The following DNAH6 variants were observed in gnomAD, a reference collection of about 807,000 sequenced individuals.
DNAH6 encodes the protein axonemal beta dynein heavy chain 6.
A neutral mutation model predicts 491.4 loss-of-function variants in DNAH6; 340 were observed. That is an observed-to-expected ratio of 0.69 (90% CI 0.63 to 0.76). DNAH6 has a LOEUF of 0.76. Among genes scored for constraint, DNAH6 ranks in the 30% least tolerant of loss-of-function variants. The pLI, the probability that DNAH6 is intolerant of heterozygous loss-of-function variation, is 0.00. For missense variants in DNAH6, 4,443 were observed against 4,972.2 expected, an observed-to-expected ratio of 0.89 and a Z score of 3.20; for synonymous variants, 1,603 against 1,686.1, an observed-to-expected ratio of 0.95 and a Z score of 1.21.
chr2:84,774,995 A>G (rs1450128282), intron 64 of DNAH6, among the ~76,000 whole-genome samples: 1 of 151,836 alleles, frequency 6.6e-6, no homozygotes, highest in Admixed American at 6.6e-5. Flanking sequence ...GATGTCTTTT[A>G]TTTTTTTCTC....
At chr2:84,603,379 G>T (rs1685449293) in intron 18 of DNAH6, among the ~76,000 whole-genome samples, 1 of 151,986 alleles carries the variant, frequency 6.6e-6, no homozygotes, top group African/African-American at 2.4e-5. Context: ...TCGAATTTCG[G>T]GTGGGGCTGG....
intron 31 of DNAH6, among the ~76,000 whole-genome samples, chr2:84,638,804 C>T (rs1689112774): frequency 6.6e-6 from 1 of 152,126 alleles, no homozygotes; most frequent in East Asian, 1.9e-4. Context: ...CTAGCATCTA[C>T]TCGGTTTCTA....
Position 84,595,760 on chromosome 2 carries a change from A to G in DNAH6, c.2839A>G (p.Lys947Glu). The change falls in exon 18 of 77, where the codon AAA becomes GAA. Residue 947 changes from lysine to glutamate, a missense_variant. Coordinates refer to ENST00000389394, the MANE Select transcript of DNAH6 (RefSeq NM_001370.2). ...ACCCAACAGTGTAGTGCCCCAGCTC[A>G]AATACAAGGTGGAAAAAATGAAAGA... ...LPPNSVVPQL[K>E]YKVEKMKEKL... The G allele has an allele frequency of 6.5e-7, 1 of 1,547,576 alleles. No individual in the cohort carries two copies. Among genetic ancestry groups the G allele is most frequent in the Non-Finnish European group, 8.7e-7 (1 of 1,145,882 alleles).
At chr2:84,464,644 T>G in the DNAH6 span, among the ~76,000 whole-genome samples, 2 of 152,178 alleles carry the variant, frequency 1.3e-5, no homozygotes, top group Non-Finnish European at 2.9e-5. Context: ...ATCTCCCCTT[T>G]TTAGACCATA....
At chr2:84,534,059 CAT>C (rs1558674815) in intron 4 of DNAH6, among the ~76,000 whole-genome samples, 1 of 151,906 alleles carries the variant, frequency 6.6e-6, no homozygotes, top group Non-Finnish European at 1.5e-5. Context: ...AAAATTATGA[CAT>C]ATTTATTATT....
chr2:84,620,035 T>C, intron 24 of DNAH6, 131 bp downstream of exon 24: 1 of 731,182 alleles, frequency 1.4e-6, no homozygotes, highest in African/African-American at 1.8e-5. Context: ...ATTCTTGCCC[T>C]CAAAGAGCTC....
chr2:84,812,330 TG>T lies in DNAH6; in HGVS notation c.11740-10del. 5.2e-6 allele frequency: 8 copies of T among 1,550,258 alleles called. No individual in the cohort carries two copies. Among genetic ancestry groups the T allele is most frequent in the Non-Finnish European group, 7.0e-6 (8 of 1,146,036 alleles). ...CTGCAAAGGCCACCAACCCCTTTTTTGTTCTTTCAGACTTCTCTGGAAACAC... is the reference window on the plus strand; with the variant it reads ...CTGCAAAGGCCACCAACCCCTTTTTTTTCTTTCAGACTTCTCTGGAAACAC... On this transcript the variant is annotated splice_polypyrimidine_tract_variant and intron_variant, in intron 72 of 76. Coordinates refer to ENST00000389394, the MANE Select transcript of DNAH6 (RefSeq NM_001370.2).
At position 84,653,484 on chromosome 2, in the gene DNAH6, T is replaced by C. The variant is rs896919862; in HGVS notation, c.5244T>C (p.Gly1748=). Residue 1748 remains glycine (G), a synonymous_variant, in exon 34 of 77, where the codon GGT becomes GGC. Transcript: ENST00000389394. ...QFYETMLVRH[G]VMLVGPTGGG... ...ATGAAACTATGCTAGTAAGGCATGGTGTTATGTTAGTCGGGCCAACAGGAG... is the reference window on the plus strand; with the variant it reads ...ATGAAACTATGCTAGTAAGGCATGGCGTTATGTTAGTCGGGCCAACAGGAG... 1.3e-6 allele frequency: 2 copies of C among 1,551,192 alleles called. No homozygotes were observed. The highest frequency in any genetic ancestry group is 2.7e-5 in the African/African-American group (2 of 73,002).
intron 64 of DNAH6, among the ~76,000 whole-genome samples, chr2:84,776,702 A>C (rs1283500785): frequency 1.3e-5 from 2 of 152,254 alleles, no homozygotes; most frequent in Non-Finnish European, 1.5e-5. Flanking sequence ...TTGTTTCCTG[A>C]CTTTTTAATG....
intron 22 of DNAH6, among the ~76,000 whole-genome samples, chr2:84,614,876 GT>G (rs1367302874): frequency 6.6e-6 from 1 of 151,844 alleles, no homozygotes; most frequent in Non-Finnish European, 1.5e-5. Context: ...GGGATTGTTT[GT>G]TTTTTTCTTG....
At chr2:84,749,673 A>G (rs1372371894) in intron 63 of DNAH6, among the ~76,000 whole-genome samples, 1 of 152,236 alleles carries the variant, frequency 6.6e-6, no homozygotes, top group Non-Finnish European at 1.5e-5. Flanking sequence ...CAGACATGTA[A>G]TAGAAAAGAA....
chr2:84,798,762 G>T (rs1678582426), intron 70 of DNAH6, among the ~76,000 whole-genome samples: 1 of 152,094 alleles, frequency 6.6e-6, no homozygotes, highest in African/African-American at 2.4e-5. Flanking sequence ...GTGTTTTATT[G>T]GCAGCCCAGG....
rs146873403 is a variant in DNAH6 at position 84,553,105 on chromosome 2, A to G, written c.1602+71A>G. 95 of 875,338 alleles carry G rather than the reference A, an allele frequency of 1.1e-4. 1 individual carries two copies. In the African/African-American group the frequency reaches 1.4e-3, roughly 13 times the overall value. The allele number at this position is 875,338 out of a possible 1,614,324, so 54.2% of individuals were successfully genotyped here. On this transcript the variant is annotated intron_variant, in intron 10 of 76. Coordinates refer to ENST00000389394, the MANE Select transcript of DNAH6 (RefSeq NM_001370.2). ...AAATGAAGCAGCTGTTTTGCTGTCA[A>G]TTGGTTGTCAGAATTGCAGTTGTCA... is the stretch of plus-strand genomic sequence containing the variant.
intron 13 of DNAH6, among the ~76,000 whole-genome samples, chr2:84,578,984 G>T (rs1308717527): frequency 1.3e-5 from 2 of 152,158 alleles, no homozygotes; most frequent in Non-Finnish European, 2.9e-5. Context: ...TGCCATGATT[G>T]TAAGTTTCCT....
At chr2:84,564,259 T>C (rs993179513) in intron 11 of DNAH6, among the ~76,000 whole-genome samples, 13 of 152,108 alleles carry the variant, frequency 8.5e-5, no homozygotes, top group African/African-American at 3.1e-4. Context: ...TGATAGGAAT[T>C]GCATTGAATC....
intron 46 of DNAH6, among the ~76,000 whole-genome samples, chr2:84,695,695 A>C (rs1695318906): frequency 6.6e-6 from 1 of 152,090 alleles, no homozygotes; most frequent in South Asian, 2.1e-4. Context: ...TGCCCTGTGT[A>C]CAAAGAGAAA....
At chr2:84,635,729 G>A (rs1032609528) in intron 30 of DNAH6, among the ~76,000 whole-genome samples, 14 of 152,154 alleles carry the variant, frequency 9.2e-5, no homozygotes, top group Non-Finnish European at 2.1e-4. Context: ...CTATGAGACA[G>A]TTGGGGTGGG....
chr2:84,731,925 T>C (rs1451924585), intron 61 of DNAH6, among the ~76,000 whole-genome samples: 2 of 152,130 alleles, frequency 1.3e-5, no homozygotes, highest in African/African-American at 4.8e-5. Flanking sequence ...TTAAAAACAT[T>C]AGAGCAATCA....
chr2:84,568,147 T>C (rs192056602), intron 11 of DNAH6, among the ~76,000 whole-genome samples: 11 of 152,226 alleles, frequency 7.2e-5, no homozygotes, highest in Admixed American at 1.3e-4. Context: ...AGTTCAACCA[T>C]TGTGGAAGAC....
Sources: allele counts gnomAD v4.1 joint callset (sites outside exome capture counted in the v4.1 genomes callset), GRCh38; gene constraint gnomAD v4.1.1; transcripts MANE v1.5; gene names NCBI Gene and HGNC (gene_info 2026-07-23, HGNC 2026-07-21).